The following DTNB variants were observed in gnomAD, a reference collection of about 807,000 sequenced individuals.
The protein encoded by DTNB is dystrobrevin beta.
A neutral mutation model predicts 90.7 loss-of-function variants in DTNB; 63 were observed. That is an observed-to-expected ratio of 0.69 (90% CI 0.57 to 0.86). The LOEUF (loss-of-function observed/expected upper bound fraction) is 0.86, where lower values mean the gene tolerates loss of function less well. Among genes scored for constraint, DTNB ranks in the 40% least tolerant of loss-of-function variants. The pLI is 0.00. For synonymous variants in DTNB, 277 were observed against 286.7 expected, an observed-to-expected ratio of 0.97 and a Z score of 0.34; for missense variants, 744 against 807.1, an observed-to-expected ratio of 0.92 and a Z score of 0.95.
At position 25,414,717 on chromosome 2, in the gene DTNB, T is replaced by C. The variant is rs538936569; in HGVS notation, c.1575+4798A>G. Among the ~76,000 whole-genome samples, 11 of 152,294 alleles carry C rather than the reference T, an allele frequency of 7.2e-5. No homozygotes were observed. In the South Asian group the frequency reaches 1.2e-3, roughly 17 times the overall value. On this transcript the variant is annotated intron_variant, in intron 16 of 20. Coordinates refer to ENST00000406818, the MANE Select transcript of DTNB (RefSeq NM_021907.5). ...GAGTATAAGTCAAAATCTTATAAAATTGGTTAATATTGGTTATCATTCAGC... is the reference window on the plus strand; with the variant it reads ...GAGTATAAGTCAAAATCTTATAAAACTGGTTAATATTGGTTATCATTCAGC...
intron 15 of DTNB, among the ~76,000 whole-genome samples, chr2:25,422,164 G>T (rs2049932485): frequency 6.6e-6 from 1 of 152,078 alleles, no homozygotes; most frequent in South Asian, 2.1e-4. Flanking sequence ...ATTTAAAAGG[G>T]GGTAATACCT....
At chr2:25,421,832 T>C (rs2049814345) in intron 15 of DTNB, among the ~76,000 whole-genome samples, 1 of 152,236 alleles carries the variant, frequency 6.6e-6, no homozygotes, top group African/African-American at 2.4e-5. Context: ...CATCTGGTGA[T>C]TGCAATTTAA....
intron 9 of DTNB, among the ~76,000 whole-genome samples, chr2:25,495,996 A>G (rs2068745934): frequency 6.6e-6 from 1 of 152,198 alleles, no homozygotes; most frequent in Non-Finnish European, 1.5e-5. Context: ...TTAATGAACT[A>G]TTTCTCAGGA....
At chr2:25,577,036 A>T (rs73922435) in intron 7 of DTNB, 32 bp from the exon 8 acceptor site, 2 of 1,558,540 alleles carry the variant, frequency 1.3e-6, no homozygotes, top group South Asian at 2.4e-5. Flanking sequence ...GGGAGAAAAA[A>T]GGGCAGGAGG....
In DTNB at chr2:25,511,382, G is replaced by A. The variant is rs115264450; in HGVS notation, c.1001+20091C>T. Among the ~76,000 whole-genome samples the A allele has an allele frequency of 8.4e-3, 1,283 of 152,030 alleles. 13 individuals carry two copies. The highest frequency in any genetic ancestry group is 0.029 in the African/African-American group (1,214 of 41,444). On this transcript the variant is annotated intron_variant, in intron 9 of 20. Transcript: ENST00000406818. ...AGTTTCGTTCTTGCTGGCCAGGCTGGAGTGCAATGCGCGATCTTGACTCAC... is the reference window on the plus strand; with the variant it reads ...AGTTTCGTTCTTGCTGGCCAGGCTGAAGTGCAATGCGCGATCTTGACTCAC...
rs11315733 is a variant in DTNB, at chr2:25,568,156, C to CAA, written c.876+8680_876+8681dup. 7.5e-4 allele frequency among the ~76,000 whole-genome samples: 69 copies of CAA among 91,582 alleles called. No homozygotes were observed. The East Asian group carries it at 0.014, about 19-fold the overall frequency. The allele number at this position is 91,582 out of a possible 152,430, so 60.1% of individuals were successfully genotyped here. On this transcript the variant is annotated intron_variant, in intron 8 of 20. Coordinates refer to ENST00000406818, the MANE Select transcript of DTNB (RefSeq NM_021907.5). ...CTGGCGACACAGGGAGACTCCGTCT[C>CAA]AAAAAAAAAAAAAAGAGGAAAAGAA...
intron 6 of DTNB, among the ~76,000 whole-genome samples, chr2:25,589,025 G>A (rs2148317118): frequency 6.6e-6 from 1 of 152,272 alleles, no homozygotes; most frequent in South Asian, 2.1e-4. Flanking sequence ...TCAATGTCCA[G>A]GAAAACAAAG....
At chr2:25,423,076 A>C (rs1574197338) in intron 15 of DTNB, among the ~76,000 whole-genome samples, 1 of 152,130 alleles carries the variant, frequency 6.6e-6, no homozygotes, top group African/African-American at 2.4e-5. Flanking sequence ...TGTAATCCCA[A>C]CTACTCAGGA....
At chr2:25,648,503 A>G (rs1287743195) in intron 2 of DTNB, among the ~76,000 whole-genome samples, 1 of 152,220 alleles carries the variant, frequency 6.6e-6, no homozygotes, top group African/African-American at 2.4e-5. Context: ...AAACCTGCAC[A>G]TGTACCCCCT....
intron 9 of DTNB, among the ~76,000 whole-genome samples, chr2:25,508,537 G>GTTTTT (rs575242257): frequency 1.6e-5 from 2 of 127,628 alleles, no homozygotes; most frequent in Admixed American, 7.8e-5. Context: ...TTCGCTCTTT[G>GTTTTT]TTTTTTATTT....
chr2:25,427,461 T>C, intron 15 of DTNB, 74 bp downstream of exon 15: 1 of 1,467,758 alleles, frequency 6.8e-7, no homozygotes, highest in Admixed American at 1.9e-5. Context: ...TATTCTGACA[T>C]CACAGGGAGG....
intron 1 of DTNB, among the ~76,000 whole-genome samples, chr2:25,655,801 G>C (rs1047999800): frequency 6.6e-6 from 1 of 152,074 alleles, no homozygotes; most frequent in African/African-American, 2.4e-5. Context: ...CTCTAACCTC[G>C]AGTCCATTTT....
At chr2:25,654,176 A>G (rs1286285002) in intron 1 of DTNB, among the ~76,000 whole-genome samples, 3 of 152,284 alleles carry the variant, frequency 2.0e-5, no homozygotes, top group African/African-American at 7.2e-5. Flanking sequence ...TTTCCACCAC[A>G]CTGTACTCCT....
At chr2:25,414,632 T>C (rs2047432797) in intron 16 of DTNB, among the ~76,000 whole-genome samples, 1 of 152,316 alleles carries the variant, frequency 6.6e-6, no homozygotes, top group South Asian at 2.1e-4. Flanking sequence ...GCAAAATCAC[T>C]GCTATAGGTA....
In DTNB at chr2:25,492,913, C is replaced by T. The variant is rs115486611; in HGVS notation, c.1002-10040G>A. ...CCTGGAGGACAAGTGAGATTTGGGGCACCTGTCAGAGCTGTCCCTTTTCCC... is the reference window on the plus strand; with the variant it reads ...CCTGGAGGACAAGTGAGATTTGGGGTACCTGTCAGAGCTGTCCCTTTTCCC... On this transcript the variant is annotated intron_variant, in intron 9 of 20. Transcript: ENST00000406818. Among the ~76,000 whole-genome samples the T allele has an allele frequency of 1.2e-3, 181 of 152,242 alleles. 2 individuals are homozygous for T. The highest frequency in any genetic ancestry group is 4.0e-3 in the African/African-American group (167 of 41,548).
chr2:25,568,766 G>A (rs922088685), intron 8 of DTNB, among the ~76,000 whole-genome samples: 1 of 152,196 alleles, frequency 6.6e-6, no homozygotes, highest in Non-Finnish European at 1.5e-5. Flanking sequence ...CCACCACACA[G>A]GCACCTTTGC....
intron 12 of DTNB, among the ~76,000 whole-genome samples, chr2:25,450,253 C>A (rs79507366): frequency 0.23 from 35,368 of 152,074 alleles, 4,914 homozygotes; most frequent in Non-Finnish European, 0.33. Flanking sequence ...TTCTTTTCTT[C>A]CCTGTGTAGA....
rs763939155 is a variant in DTNB, at chr2:25,576,974, C to T, written c.740G>A (p.Arg247Gln). The change falls in exon 8 of 21, where the codon CGA becomes CAA. Residue 247 changes from arginine (R) to glutamine (Q), a missense_variant. Transcript: ENST00000406818. ...CCGGAAACCCATCATACTCTCACATCGGCAGTAGGAGCACTCCACGGGATG... is the reference window on the plus strand; with the variant it reads ...CCGGAAACCCATCATACTCTCACATTGGCAGTAGGAGCACTCCACGGGATG... ...VFHPVECSYC[R>Q]CESMMGFRYR... is the part of the protein sequence containing the mutation. 8 of 1,609,964 alleles carry T rather than the reference C, an allele frequency of 5.0e-6. No homozygotes were observed. The highest frequency in any genetic ancestry group is 2.2e-5 in the South Asian group (2 of 90,166).
At chr2:25,416,489 T>G (rs1352308614) in intron 16 of DTNB, among the ~76,000 whole-genome samples, 1 of 152,116 alleles carries the variant, frequency 6.6e-6, no homozygotes, top group Non-Finnish European at 1.5e-5. Flanking sequence ...GTGGACAACA[T>G]GGCAAAACCC....
Sources: allele counts gnomAD v4.1 joint callset (sites outside exome capture counted in the v4.1 genomes callset), GRCh38; gene constraint gnomAD v4.1.1; transcripts MANE v1.5; gene names NCBI Gene and HGNC (gene_info 2026-07-23, HGNC 2026-07-21).